The following SLC39A11 variants were observed in gnomAD, a reference collection of about 807,000 sequenced individuals.
SLC39A11 encodes zinc transporter ZIP11.
Under a neutral mutation model 36.1 loss-of-function variants are expected in SLC39A11, and 33 were observed. The observed-to-expected ratio is 0.91, with a 90% CI of 0.69 to 1.22. The LOEUF (loss-of-function observed/expected upper bound fraction) is 1.22. Among genes scored for constraint, SLC39A11 ranks in the 50% most tolerant of loss-of-function variants. The probability of loss-of-function intolerance (pLI) is 0.00; values close to 1 mark genes in which losing one functional copy is unlikely to be tolerated. For missense variants in SLC39A11, 432 were observed against 430.3 expected (o/e 1.00, Z -0.03); for synonymous variants, 166 against 170.3 (o/e 0.97, Z 0.20).
Position 72,918,135 on chromosome 17 carries a change from G to A in SLC39A11, c.430+29617C>T, listed in dbSNP as rs140214015. Among the ~76,000 whole-genome samples the A allele has an allele frequency of 3.2e-3, 492 of 152,350 alleles. 3 individuals carry two copies. The highest frequency in any genetic ancestry group is 0.011 in the African/African-American group (471 of 41,582). ...TGTAAGAGCACTGAGCTGGCTAGGC[G>A]TGGTGGCTCACGCCTGTAATCCCAG... On this transcript the variant is annotated intron_variant, in intron 5 of 9. Transcript: ENST00000255559.
chr17:72,747,875 G>C (rs1222232863), intron 6 of SLC39A11, among the ~76,000 whole-genome samples: 1 of 152,162 alleles, frequency 6.6e-6, no homozygotes, highest in East Asian at 1.9e-4. Context: ...GCTGTATAAA[G>C]GATGGAAACT....
At chr17:72,998,351 C>T (rs1415397172) in intron 4 of SLC39A11, among the ~76,000 whole-genome samples, 6 of 152,150 alleles carry the variant, frequency 3.9e-5, no homozygotes, top group African/African-American at 1.4e-4. Context: ...TGACAAATTC[C>T]AAATTAATCT....
intron 3 of SLC39A11, among the ~76,000 whole-genome samples, chr17:73,080,312 G>C (rs1395004169): frequency 6.6e-6 from 1 of 152,150 alleles, no homozygotes; most frequent in African/African-American, 2.4e-5. Context: ...GAATAGAATA[G>C]AGAACCCAGA....
chr17:72,828,079 C>A (rs2078106817), intron 6 of SLC39A11, among the ~76,000 whole-genome samples: 1 of 152,204 alleles, frequency 6.6e-6, no homozygotes. Flanking sequence ...CCTCTGGCCA[C>A]AACTGTGCCA....
chr17:72,746,631 G>A (rs140733360), intron 6 of SLC39A11, among the ~76,000 whole-genome samples: 19 of 152,218 alleles, frequency 1.2e-4, no homozygotes, highest in African/African-American at 4.6e-4. Context: ...CCAGCTACTC[G>A]GGAGGCTGAG....
At chr17:72,681,654 C>G (rs536321111) in intron 7 of SLC39A11, among the ~76,000 whole-genome samples, 1 of 152,184 alleles carries the variant, frequency 6.6e-6, no homozygotes, top group Admixed American at 6.5e-5. Context: ...TTGAGCAACA[C>G]AGGTTTGAAC....
chr17:72,876,063 G>A (rs1468319082), intron 5 of SLC39A11, among the ~76,000 whole-genome samples: 2 of 152,144 alleles, frequency 1.3e-5, no homozygotes, highest in African/African-American at 4.8e-5. Flanking sequence ...ACTGCCCTGA[G>A]CTGCTACTCT....
At chr17:73,054,028 G>A (rs2059589303) in intron 3 of SLC39A11, among the ~76,000 whole-genome samples, 1 of 152,120 alleles carries the variant, frequency 6.6e-6, no homozygotes. Context: ...TGGGGGGTCT[G>A]GAAAAATCAA....
intron 3 of SLC39A11, among the ~76,000 whole-genome samples, chr17:73,047,966 C>CAAAAAAAAAAAAAAAA (rs1165334910): frequency 9.8e-5 from 2 of 20,492 alleles, no homozygotes; most frequent in Non-Finnish European, 1.7e-4. Flanking sequence ...GACTCCATCT[C>CAAAAAAAAAAAAAAAA]AAAAAAAAAA....
At chr17:72,778,973 T>C (rs2144830371) in intron 6 of SLC39A11, among the ~76,000 whole-genome samples, 1 of 152,348 alleles carries the variant, frequency 6.6e-6, no homozygotes, top group South Asian at 2.1e-4. Context: ...CCTACATCCC[T>C]GTCAGCCCAG....
At chr17:72,739,151 A>G (rs574586311) in intron 6 of SLC39A11, among the ~76,000 whole-genome samples, 220 of 149,600 alleles carry the variant, frequency 1.5e-3, no homozygotes, top group African/African-American at 5.2e-3. Flanking sequence ...TTTTTGAGAC[A>G]CAGTCTCACT....
chr17:73,031,523 C>T (rs761749212), intron 4 of SLC39A11, 33 bp downstream of exon 4: 24 of 1,611,154 alleles, frequency 1.5e-5, no homozygotes, highest in Admixed American at 1.2e-4. Context: ...GGTTGTATCC[C>T]GATACGACAG....
chr17:72,685,590 C>A (rs2071710146), intron 7 of SLC39A11, among the ~76,000 whole-genome samples: 1 of 152,212 alleles, frequency 6.6e-6, no homozygotes, highest in African/African-American at 2.4e-5. Flanking sequence ...TTTCATCTGA[C>A]CTGGGTTTTT....
At chr17:72,787,087 T>A (rs1188001287) in intron 6 of SLC39A11, among the ~76,000 whole-genome samples, 1 of 152,116 alleles carries the variant, frequency 6.6e-6, no homozygotes, top group Non-Finnish European at 1.5e-5. Flanking sequence ...CCCAAAGTGC[T>A]GGCATTACAG....
chr17:72,776,625 A>C (rs1219770578), intron 6 of SLC39A11, among the ~76,000 whole-genome samples: 2 of 151,232 alleles, frequency 1.3e-5, no homozygotes, highest in Non-Finnish European at 3.0e-5. Context: ...AAAAAAAAAA[A>C]AAAACAGAAG....
At chr17:72,875,908 C>T (rs184229106) in intron 5 of SLC39A11, among the ~76,000 whole-genome samples, 110 of 152,264 alleles carry the variant, frequency 7.2e-4, no homozygotes, top group African/African-American at 2.5e-3. Flanking sequence ...CTTAACACTG[C>T]CATGGCAACA....
At chr17:73,044,523 G>A (rs1419257051) in intron 3 of SLC39A11, among the ~76,000 whole-genome samples, 2 of 152,170 alleles carry the variant, frequency 1.3e-5, no homozygotes, top group Non-Finnish European at 2.9e-5. Flanking sequence ...TCATTAGTTG[G>A]TGGCTGGGAG....
intron 9 of SLC39A11, among the ~76,000 whole-genome samples, chr17:72,648,552 A>G (rs552214442): frequency 6.6e-6 from 1 of 152,196 alleles, no homozygotes; most frequent in Admixed American, 6.5e-5. Context: ...AGTCTACTGC[A>G]TCAAGGGACG....
At chr17:72,893,020 T>C (rs73360705) in intron 5 of SLC39A11, among the ~76,000 whole-genome samples, 2,373 of 152,268 alleles carry the variant, frequency 0.016, 63 homozygotes, top group African/African-American at 0.053. Flanking sequence ...TGATTTCAAA[T>C]ACTGTGCCAA....
Sources: gnomAD v4.1 joint callset for allele counts (sites outside exome capture counted in the v4.1 genomes callset) on GRCh38, gnomAD v4.1.1 for gene constraint, MANE v1.5 for transcripts, NCBI Gene and HGNC (gene_info 2026-07-23, HGNC 2026-07-21) for gene names.